Variants in IST1 observed in about 807,000 individuals in gnomAD.
IST1 encodes IST1 factor associated with ESCRT-III.
In IST1, 23 loss-of-function variants were observed where a neutral mutation model predicts 37.0. The observed-to-expected ratio is 0.62, with a 90% CI of 0.45 to 0.88. The LOEUF (loss-of-function observed/expected upper bound fraction) is 0.88. Among genes scored for constraint, IST1 ranks in the 40% least tolerant of loss-of-function variants. The pLI is 0.00. For missense variants in IST1, 488 were observed against 445.4 expected, an observed-to-expected ratio of 1.10 and a Z score of -0.86; for synonymous variants, 180 against 161.7, an observed-to-expected ratio of 1.11 and a Z score of -0.86.
chr16:71,909,459 A>C (rs1456837844), intron 1 of IST1, among the ~76,000 whole-genome samples: 1 of 152,138 alleles, frequency 6.6e-6, no homozygotes, highest in African/African-American at 2.4e-5. Context: ...TTACTACCAC[A>C]AAATGCATAC....
chr16:71,924,398 C>T (rs2142599100), intron 8 of IST1: 1 of 388,434 alleles, frequency 2.6e-6, no homozygotes, highest in Admixed American at 3.7e-5. Flanking sequence ...CGAGACCAGC[C>T]TGGGCAACAT....
rs754727121 is a variant in IST1 at position 71,927,743 on chromosome 16, C to G, written c.1031C>G (p.Thr344Ser). The G allele has an allele frequency of 1.2e-6, 2 of 1,614,066 alleles. No individual in the cohort carries two copies. Among genetic ancestry groups the G allele is most frequent in the East Asian group, 4.5e-5 (2 of 44,882 alleles). Residue 344 changes from threonine (T) to serine (S), a missense_variant, in exon 10 of 10, where the codon ACC (threonine) becomes AGC (serine). Coordinates refer to ENST00000378799, the MANE Select transcript of IST1 (RefSeq NM_001270975.2). ...CCAACTGCATCTGCTGGTGCCAGCA[C>G]CTCAGCATCTGAAGACATTGACTTT... ...TLPTASAGAS[T>S]SASEDIDFDD...
rs751053570 is a variant in IST1, at chr16:71,922,461, CTTTT to C, written c.553-9_553-6del. ...ACATGGGTTAATGACCTGGGTTTCT[CTTTT>C]TTTCTCAGGCAGAAGCTCCTCCTGG... On this transcript the variant is annotated splice_polypyrimidine_tract_variant and intron_variant, in intron 6 of 9. Coordinates refer to ENST00000378799, the MANE Select transcript of IST1 (RefSeq NM_001270975.2). 7 of 1,612,190 alleles carry C rather than the reference CTTTT, an allele frequency of 4.3e-6. No individual in the cohort carries two copies. The highest frequency in any genetic ancestry group is 4.0e-5 in the African/African-American group (3 of 74,878).
At chr16:71,920,193 C>A (rs1254032006) in intron 4 of IST1, among the ~76,000 whole-genome samples, 2 of 152,184 alleles carry the variant, frequency 1.3e-5, no homozygotes, top group Non-Finnish European at 2.9e-5. Context: ...TACTAACATT[C>A]CCAAATAAGG....
At position 71,921,345 on chromosome 16, in the gene IST1, A is replaced by G. The variant is rs150994774; in HGVS notation, c.444A>G (p.Leu148=). The change falls in exon 6 of 10, where the codon CTA becomes CTG. Residue 148 remains leucine, a splice_region_variant and synonymous_variant. Coordinates refer to ENST00000378799, the MANE Select transcript of IST1 (RefSeq NM_001270975.2). ...GCCCTGGGTCTTTTTACTTACAGCT[A>G]ATGCACAAGCTGAGTGTGGAAGCCC... ...TNQIGTVNDR[L]MHKLSVEAPP... is the part of the protein sequence containing the mutation. 1.8e-3 allele frequency: 2,822 copies of G among 1,600,740 alleles called. 4 individuals are homozygous for G. The highest frequency in any genetic ancestry group is 0.01 in the Middle Eastern group (52 of 5,108).
intron 9 of IST1, among the ~76,000 whole-genome samples, chr16:71,925,214 C>T (rs373763865): frequency 2.1e-4 from 32 of 151,816 alleles, no homozygotes; most frequent in African/African-American, 5.1e-4. Context: ...GGGGTTTCAC[C>T]GTGTTAGCCA....
chr16:71,923,348 C>T lies in IST1; in HGVS notation c.820C>T (p.Gln274Ter), dbSNP rs1165108422. The change falls in exon 8 of 10, where the codon CAG becomes TAG. Residue 274 changes from glutamine (Q) to a stop codon, truncating the protein, a stop_gained. Coordinates refer to ENST00000378799, the MANE Select transcript of IST1 (RefSeq NM_001270975.2). LOFTEE classifies it high-confidence loss of function. Reference protein sequence around the residue: ...YQAFPNIHPPQIPATPPSYES... With the variant: ...YQAFPNIHPP ...GGCCTTTCCCAATATTCATCCACCT[C>T]AGATACCAGCAACTCCCCCATCGTA... 6.2e-7 allele frequency: 1 copy of T among 1,611,170 alleles called. No individual in the cohort carries two copies. The highest frequency in any genetic ancestry group is 8.5e-7 in the Non-Finnish European group (1 of 1,177,474).
At chr16:71,909,939 A>G (rs1248389199) in intron 1 of IST1, among the ~76,000 whole-genome samples, 1 of 152,174 alleles carries the variant, frequency 6.6e-6, no homozygotes, top group Non-Finnish European at 1.5e-5. Flanking sequence ...TATATTGAGT[A>G]ATTTAACGGC....
rs2037657094 is a variant in IST1, at chr16:71,923,381, G to A, written c.852+1G>A. The A allele has an allele frequency of 1.3e-6, 2 of 1,584,666 alleles. No individual in the cohort carries two copies. Among genetic ancestry groups the A allele is most frequent in the Non-Finnish European group, 1.7e-6 (2 of 1,153,632 alleles). On this transcript the variant is annotated splice_donor_variant, in intron 8 of 9. Coordinates refer to ENST00000378799, the MANE Select transcript of IST1 (RefSeq NM_001270975.2). LOFTEE classifies it high-confidence loss of function. ...AGCAACTCCCCCATCGTATGAATCT[G>A]TAAGTGCCTGAGCCTCTTTTATAAG...
At position 71,930,069 on chromosome 16, in the gene IST1, C is replaced by A. The variant is rs1567480860; in HGVS notation, c.*2256C>A. On this transcript the variant is annotated 3_prime_UTR_variant, in exon 10 of 10. Transcript: ENST00000378799. ...TTACCTACCTTAAGCGACTTTCTTTCTTTTCCAAAGGCCATGAGAATGGCC... is the reference window on the plus strand; with the variant it reads ...TTACCTACCTTAAGCGACTTTCTTTATTTTCCAAAGGCCATGAGAATGGCC... 2 of 1,549,284 alleles carry A rather than the reference C, an allele frequency of 1.3e-6. No individual in the cohort carries two copies. Among genetic ancestry groups the A allele is most frequent in the Admixed American group, 4.0e-5 (2 of 50,028 alleles).
At chr16:71,898,658 G>A (rs1406670059) in intron 1 of IST1, among the ~76,000 whole-genome samples, 1 of 82,360 alleles carries the variant, frequency 1.2e-5, no homozygotes, top group African/African-American at 5.4e-5. Context: ...GTGAGACTCT[G>A]TCTTAAAAAA....
chr16:71,904,281 G>A (rs567905586), intron 1 of IST1, among the ~76,000 whole-genome samples: 2 of 152,156 alleles, frequency 1.3e-5, no homozygotes, highest in African/African-American at 2.4e-5. Context: ...ATGCCACCAC[G>A]CCTGGCTAAT....
intron 1 of IST1, among the ~76,000 whole-genome samples, chr16:71,904,342 C>T (rs967752524): frequency 3.3e-5 from 5 of 152,150 alleles, no homozygotes; most frequent in African/African-American, 9.7e-5. Flanking sequence ...AGGCTGATCT[C>T]GAACTCCTGA....
intron 6 of IST1, 68 bp downstream of exon 6, chr16:71,921,521 A>AAT: frequency 3.6e-6 from 3 of 844,356 alleles, no homozygotes; most frequent in Non-Finnish European, 3.6e-6. Flanking sequence ...AAACAAAAAA[A>AAT]ACATTCTTTG....
chr16:71,902,592 T>A (rs1371231157), intron 1 of IST1, among the ~76,000 whole-genome samples: 1 of 152,218 alleles, frequency 6.6e-6, no homozygotes, highest in Non-Finnish European at 1.5e-5. Flanking sequence ...TTGTAATAGA[T>A]CTAGTGCAGC....
intron 1 of IST1, among the ~76,000 whole-genome samples, chr16:71,899,084 C>T (rs570161843): frequency 3.9e-5 from 6 of 152,006 alleles, no homozygotes; most frequent in African/African-American, 1.4e-4. Context: ...CTGTGCATTT[C>T]AGTATTTATA....
At chr16:71,894,838 G>T, upstream of IST1, 1 of 1,534,366 alleles carries the variant, frequency 6.5e-7, no homozygotes, top group Middle Eastern at 1.7e-4. Context: ...AGCGATAATG[G>T]TTTTCAAGTT....
intron 1 of IST1, among the ~76,000 whole-genome samples, chr16:71,905,171 G>T (rs2037194817): frequency 6.6e-6 from 1 of 151,944 alleles, no homozygotes; most frequent in African/African-American, 2.4e-5. Context: ...AAGTAGCTGG[G>T]ACTGCAGGTG....
intron 5 of IST1, chr16:71,921,046 C>T (rs374139585): frequency 1.6e-6 from 1 of 613,904 alleles, no homozygotes; most frequent in Non-Finnish European, 2.9e-6. Context: ...ACTTTGTATG[C>T]CTCGTGTCAT....
Sources: gnomAD v4.1 joint callset for allele counts (sites outside exome capture counted in the v4.1 genomes callset) on GRCh38, gnomAD v4.1.1 for gene constraint, MANE v1.5 for transcripts, NCBI Gene and HGNC (gene_info 2026-07-23, HGNC 2026-07-21) for gene names.